The following MRC1 variants were observed in gnomAD, a reference collection of about 807,000 sequenced individuals.
The protein encoded by MRC1 is mannose receptor C-type 1.
Under a neutral mutation model 102.9 loss-of-function variants are expected in MRC1, and 62 were observed. The ratio of observed to expected loss-of-function variants is 0.60; its 90% confidence interval spans 0.49 to 0.74. The LOEUF (loss-of-function observed/expected upper bound fraction) is 0.74, where lower values mean the gene tolerates loss of function less well. Ranked by LOEUF, MRC1 falls within the 30% of genes least tolerant of loss-of-function variation. The probability of loss-of-function intolerance (pLI) is 0.00; values close to 1 mark genes in which losing one functional copy is unlikely to be tolerated. For synonymous variants in MRC1, 457 were observed against 298.4 expected, an observed-to-expected ratio of 1.53 and a Z score of -5.48; for missense variants, 1,237 against 862.8, an observed-to-expected ratio of 1.43 and a Z score of -5.43.
At chr10:17,860,773 C>T (rs1189611435) in intron 9 of MRC1, among the ~76,000 whole-genome samples, 3 of 152,168 alleles carry the variant, frequency 2.0e-5, no homozygotes, top group Admixed American at 6.5e-5. Context: ...GTATCTTAGC[C>T]GTTCTGTTCA....
In MRC1 at chr10:17,823,111, G is replaced by T. The variant is rs1554838377; in HGVS notation, c.99G>T (p.Lys33Asn). ...RQFLIYNEDHKRCVDAVSPSA... is the reference protein window; with the variant it reads ...RQFLIYNEDHNRCVDAVSPSA... Reference sequence around the variant, plus strand: ...TTTTAATCTATAATGAAGATCACAAGCGCTGCGTGGATGCAGTGAGTCCCA... The same window carrying T: ...TTTTAATCTATAATGAAGATCACAATCGCTGCGTGGATGCAGTGAGTCCCA... The change falls in exon 2 of 30, where the codon AAG becomes AAT. Residue 33 changes from lysine (K) to asparagine (N), a missense_variant. By Grantham distance (94) the Lys-to-Asn change is moderately conservative (BLOSUM62 0). Transcript: ENST00000569591. The T allele has an allele frequency of 1.3e-6, 1 of 780,864 alleles. No individual in the cohort carries two copies. Among genetic ancestry groups the T allele is most frequent in the Non-Finnish European group, 2.4e-6 (1 of 417,958 alleles). 48.4% of individuals were successfully genotyped at this position (780,864 alleles called of 1,614,324 possible). A position where few individuals can be genotyped will look rare whatever the true frequency, so the allele number is the denominator to read the frequency against.
chr10:17,884,320 G>A (rs1379033685), intron 21 of MRC1, among the ~76,000 whole-genome samples: 1 of 152,130 alleles, frequency 6.6e-6, no homozygotes, highest in Non-Finnish European at 1.5e-5. Context: ...CAAGCACACT[G>A]AGTATATGGG....
At chr10:17,905,254 G>A (rs1260189533) in intron 26 of MRC1, among the ~76,000 whole-genome samples, 1 of 152,088 alleles carries the variant, frequency 6.6e-6, no homozygotes, top group Admixed American at 6.5e-5. Context: ...AGAGGGATTA[G>A]GACAAGTTAA....
At chr10:17,886,313 T>TTCCC (rs1255444086) in intron 22 of MRC1, among the ~76,000 whole-genome samples, 3 of 138,574 alleles carry the variant, frequency 2.2e-5, no homozygotes, top group Admixed American at 7.2e-5. Flanking sequence ...CCTTCCTTCC[T>TTCCC]TCCCTCCTTC....
At chr10:17,841,556 C>T (rs1838749603) in intron 5 of MRC1, among the ~76,000 whole-genome samples, 1 of 152,100 alleles carries the variant, frequency 6.6e-6, no homozygotes. Context: ...ATTATTTCTA[C>T]ATTGTCATAA....
At chr10:17,823,638 A>C (rs1050769476) in intron 2 of MRC1, among the ~76,000 whole-genome samples, 163 bp downstream of exon 2, 3 of 152,238 alleles carry the variant, frequency 2.0e-5, no homozygotes, top group African/African-American at 7.2e-5. Context: ...TTCTGAGGAC[A>C]TGATGGTGAA....
chr10:17,896,401 C>T (rs951166689), intron 23 of MRC1, among the ~76,000 whole-genome samples: 1 of 152,268 alleles, frequency 6.6e-6, no homozygotes, highest in South Asian at 2.1e-4. Context: ...AATCTTAGGT[C>T]AGCAGTAATA....
chr10:17,828,820 C>G (rs1554838853), intron 3 of MRC1, among the ~76,000 whole-genome samples: 2 of 151,476 alleles, frequency 1.3e-5, no homozygotes, highest in African/African-American at 2.5e-5. Context: ...CAGATGAATT[C>G]TTGGTGTTCT....
chr10:17,813,084 A>G (rs1838250689), intron 1 of MRC1, among the ~76,000 whole-genome samples: 3 of 152,330 alleles, frequency 2.0e-5, no homozygotes, highest in Middle Eastern at 3.4e-3. Context: ...ATGCATTTTG[A>G]CATCATCATT....
At chr10:17,850,182 C>G (rs1402748259) in intron 7 of MRC1, among the ~76,000 whole-genome samples, 1 of 148,950 alleles carries the variant, frequency 6.7e-6, no homozygotes, top group Non-Finnish European at 1.5e-5. Context: ...TGGACTGTTT[C>G]AGACTTTAGA....
chr10:17,892,391 C>T (rs142916480), intron 22 of MRC1, among the ~76,000 whole-genome samples: 41,900 of 152,094 alleles, frequency 0.28, 6,630 homozygotes, highest in East Asian at 0.39. Flanking sequence ...ATACTTGTTC[C>T]CTTTTTCTGC....
intron 25 of MRC1, 83 bp from the exon 26 acceptor site, chr10:17,901,890 G>A: frequency 1.3e-6 from 1 of 779,056 alleles, no homozygotes; most frequent in Non-Finnish European, 2.4e-6. Flanking sequence ...TCAATGATCA[G>A]TTTTTGTAGC....
At chr10:17,868,147 C>A (rs894859940) in intron 12 of MRC1, among the ~76,000 whole-genome samples, 4 of 152,200 alleles carry the variant, frequency 2.6e-5, no homozygotes, top group Non-Finnish European at 5.9e-5. Flanking sequence ...TAAGTCACAT[C>A]CTTTCTGGAG....
At chr10:17,853,600 G>GTGTGTGTA (rs1471594074) in intron 8 of MRC1, among the ~76,000 whole-genome samples, 2 of 127,582 alleles carry the variant, frequency 1.6e-5, no homozygotes, top group African/African-American at 5.7e-5. Context: ...GTGTGTGTGT[G>GTGTGTGTA]TATATATATA....
Position 17,837,638 on chromosome 10 carries a change from AT to A in MRC1, c.803-3047del, listed in dbSNP as rs1185514873. The stretch of plus-strand genomic sequence containing the variant: ...TTATTTTATTTTATTTATTATTATT[AT>A]TTTTTTTGAGACAAAGTCTCACTCT... On this transcript the variant is annotated intron_variant, in intron 4 of 29. Coordinates refer to ENST00000569591, the MANE Select transcript of MRC1 (RefSeq NM_002438.4). Among the ~76,000 whole-genome samples, 646 of 150,908 alleles carry A rather than the reference AT, an allele frequency of 4.3e-3. 3 individuals carry two copies. Among genetic ancestry groups the A allele is most frequent in the African/African-American group, 0.015 (610 of 41,190 alleles).
intron 28 of MRC1, 21 bp from the exon 29 acceptor site, chr10:17,909,285 T>A (rs1242870186): frequency 1.5e-5 from 5 of 331,638 alleles, no homozygotes; most frequent in South Asian, 4.7e-5. Flanking sequence ...TTTTTATAAA[T>A]TTTTTTTTTT....
chr10:17,819,129 A>C (rs1838355648), intron 1 of MRC1, among the ~76,000 whole-genome samples: 1 of 152,216 alleles, frequency 6.6e-6, no homozygotes, highest in South Asian at 2.1e-4. Flanking sequence ...GAATTTTACT[A>C]TTGAGTGAAC....
At chr10:17,861,120 G>A (rs1325336148) in intron 9 of MRC1, among the ~76,000 whole-genome samples, 2 of 152,198 alleles carry the variant, frequency 1.3e-5, no homozygotes, top group African/African-American at 4.8e-5. Context: ...GACCAGCCTG[G>A]CCAGCATGGT....
chr10:17,846,301 G>A (rs1838825164), intron 6 of MRC1, among the ~76,000 whole-genome samples: 2 of 151,940 alleles, frequency 1.3e-5, no homozygotes, highest in South Asian at 2.1e-4. Context: ...AACTACTAAG[G>A]CAAGAATTCT....
Sources: gnomAD v4.1 joint callset for allele counts (sites outside exome capture counted in the v4.1 genomes callset) on GRCh38, gnomAD v4.1.1 for gene constraint, MANE v1.5 for transcripts, NCBI Gene and HGNC (gene_info 2026-07-23, HGNC 2026-07-21) for gene names.